The following NPNT variants were observed in gnomAD, a reference collection of about 807,000 sequenced individuals.
NPNT encodes the protein nephronectin, also known as preosteoblast EGF-like repeat protein with MAM domain.
A neutral mutation model predicts 68.6 loss-of-function variants in NPNT; 45 were observed. The ratio of observed to expected loss-of-function variants is 0.66; its 90% CI spans 0.52 to 0.84. The LOEUF (loss-of-function observed/expected upper bound fraction) is 0.84. Among genes scored for constraint, NPNT ranks in the 40% least tolerant of loss-of-function variants. NPNT has a pLI of 0.00. For missense variants in NPNT, 672 were observed against 714.8 expected (o/e 0.94, Z 0.68); for synonymous variants, 233 against 253.3 (o/e 0.92, Z 0.76).
At position 105,937,124 on chromosome 4, in the gene NPNT, C is replaced by T. The variant is rs776319688; in HGVS notation, c.381C>T (p.Cys127=). 7 of 1,613,096 alleles carry T rather than the reference C, an allele frequency of 4.3e-6. No individual in the cohort carries two copies. The East Asian group carries it at 1.3e-4, about 31-fold the overall frequency. Residue 127 remains cysteine (C), a synonymous_variant, in exon 4 of 12, where the codon TGC becomes TGT. Transcript: ENST00000379987. ...NGYMLMPDGS[C]SSALTCSMAN... ...ATATGCTCATGCCGGATGGTTCCTGCTCAAGTATGTCAAGAATCTTAACTG... is the reference window on the plus strand; with the variant it reads ...ATATGCTCATGCCGGATGGTTCCTGTTCAAGTATGTCAAGAATCTTAACTG...
At chr4:105,964,039 G>A (rs1731934671) in intron 10 of NPNT, among the ~76,000 whole-genome samples, 2 of 152,022 alleles carry the variant, frequency 1.3e-5, no homozygotes, top group Non-Finnish European at 2.9e-5. Flanking sequence ...AGAATACCTG[G>A]TCTGGAACCC....
At chr4:105,964,861 T>G (rs565681544) in intron 10 of NPNT, among the ~76,000 whole-genome samples, 5 of 152,370 alleles carry the variant, frequency 3.3e-5, no homozygotes, top group African/African-American at 9.6e-5. Flanking sequence ...AAATGGTTAT[T>G]GGCATACTTG....
At chr4:105,950,552 C>T (rs945810435) in intron 8 of NPNT, among the ~76,000 whole-genome samples, 2 of 152,068 alleles carry the variant, frequency 1.3e-5, no homozygotes, top group Non-Finnish European at 2.9e-5. Flanking sequence ...ATTATTGTGC[C>T]TCAGTCTCCT....
chr4:105,942,452 TC>T lies in NPNT; in HGVS notation c.911del (p.Pro304LeufsTer51). ...WWPPKTPYIP[P>X]IITNRPTSKP... ...GGCCTCCGAAGACACCATATATTCC[TC>T]CTATCATTACCAACAGGCCTACTTC... On this transcript the variant is annotated frameshift_variant, in exon 8 of 12. Coordinates refer to ENST00000379987, the MANE Select transcript of NPNT (RefSeq NM_001033047.3). LOFTEE classifies it high-confidence loss of function. 3.1e-6 allele frequency: 5 copies of T among 1,613,912 alleles called. No homozygotes were observed. Among genetic ancestry groups the T allele is most frequent in the Non-Finnish European group, 4.2e-6 (5 of 1,179,938 alleles).
chr4:105,896,681 CT>C (rs1432242763), intron 1 of NPNT, among the ~76,000 whole-genome samples: 3 of 152,172 alleles, frequency 2.0e-5, no homozygotes, highest in African/African-American at 7.2e-5. Flanking sequence ...CCTGTTTTAC[CT>C]TTAATCTTGG....
intron 10 of NPNT, among the ~76,000 whole-genome samples, chr4:105,961,578 A>G (rs1466191690): frequency 6.6e-6 from 1 of 152,178 alleles, no homozygotes; most frequent in Non-Finnish European, 1.5e-5. Context: ...TTTATTATTC[A>G]TTATATTTGT....
Position 105,899,468 on chromosome 4 carries a change from A to G in NPNT, c.172+1467A>G, listed in dbSNP as rs145111821. ...TTTGATCATCTTCCCTTAAAACAAT[A>G]TTGAATAGACTAACCAGTGAGTGTA... is the stretch of plus-strand genomic sequence containing the variant. On this transcript the variant is annotated intron_variant, in intron 2 of 11. Transcript: ENST00000379987. 3.2e-4 allele frequency among the ~76,000 whole-genome samples: 48 copies of G among 152,260 alleles called. 2 individuals are homozygous for G. The East Asian group carries it at 8.9e-3, about 28-fold the overall frequency.
At position 105,948,676 on chromosome 4, in the gene NPNT, TCA is replaced by T. The variant is rs1398649352; in HGVS notation, c.1159+5976_1159+5977del. ...AAAATAATTTTTTTGAGACAGAGTC[TCA>T]CTCTGTCACCCAGGCTGCTGCAGCT... On this transcript the variant is annotated intron_variant, in intron 8 of 11. Transcript: ENST00000379987. 8.5e-5 allele frequency among the ~76,000 whole-genome samples: 13 copies of T among 152,322 alleles called. No individual in the cohort carries two copies. In the South Asian group the frequency reaches 2.7e-3, roughly 32 times the overall value.
chr4:105,967,589 C>T, intron 11 of NPNT, 145 bp downstream of exon 11: 1 of 678,854 alleles, frequency 1.5e-6, no homozygotes, highest in Non-Finnish European at 2.3e-6. Context: ...TGACTCCATT[C>T]AGTGTCTCTT....
At chr4:105,938,464 A>T (rs1578643693) in intron 5 of NPNT, 44 bp downstream of exon 5, 1 of 1,596,054 alleles carries the variant, frequency 6.3e-7, no homozygotes, top group Admixed American at 1.8e-5. Context: ...CCTCTGTAGG[A>T]TAAAGGGAGA....
At chr4:105,912,339 T>C in intron 2 of NPNT, 1 of 798,848 alleles carries the variant, frequency 1.3e-6, no homozygotes, top group South Asian at 1.7e-5. Flanking sequence ...ACATTAGTTG[T>C]GTTTTTGAAT....
At chr4:105,932,189 T>G (rs180975143) in intron 3 of NPNT, among the ~76,000 whole-genome samples, 2 of 131,562 alleles carry the variant, frequency 1.5e-5, no homozygotes, top group East Asian at 4.7e-4. Context: ...CGTGATAGTG[T>G]AGGGAAAAAA....
chr4:105,970,146 G>T lies in NPNT; in HGVS notation c.*1156G>T, dbSNP rs1300947987. 2.1e-6 allele frequency: 1 copy of T among 472,336 alleles called. No individual in the cohort carries two copies. Among genetic ancestry groups the T allele is most frequent in the Non-Finnish European group, 3.8e-6 (1 of 260,956 alleles). 29.3% of individuals were successfully genotyped at this position (472,336 alleles called of 1,614,324 possible). ...TGTTGCTCATGTTGTGCTGTGTCAG[G>T]ATGGGATAGGAAGCAAGTCCCATGC... On this transcript the variant is annotated 3_prime_UTR_variant, in exon 12 of 12. Transcript: ENST00000379987.
At chr4:105,958,678 C>G (rs1335423530) in intron 9 of NPNT, 121 bp downstream of exon 9, 2 of 534,462 alleles carry the variant, frequency 3.7e-6, no homozygotes, top group Non-Finnish European at 6.6e-6. Context: ...TCTTTAACAA[C>G]TCAGATTTTC....
chr4:105,921,122 A>G (rs1375003724), intron 2 of NPNT, among the ~76,000 whole-genome samples: 1 of 152,174 alleles, frequency 6.6e-6, no homozygotes, highest in Non-Finnish European at 1.5e-5. Context: ...GCTCCTTTTA[A>G]GAAGTATTTA....
intron 2 of NPNT, chr4:105,912,351 G>T: frequency 1.4e-6 from 1 of 738,704 alleles, no homozygotes; most frequent in Non-Finnish European, 2.2e-6. Context: ...TTTTTGAATT[G>T]CTTCTTTTTA....
chr4:105,899,453 T>G (rs944774098), intron 2 of NPNT, among the ~76,000 whole-genome samples: 8 of 152,164 alleles, frequency 5.3e-5, no homozygotes, highest in African/African-American at 1.7e-4. Context: ...TTTGATCATC[T>G]TCCCTTAAAA....
intron 2 of NPNT, among the ~76,000 whole-genome samples, chr4:105,913,691 G>A (rs531555253): frequency 1.3e-5 from 2 of 152,124 alleles, no homozygotes; most frequent in Non-Finnish European, 2.9e-5. Context: ...AAATGGTTTT[G>A]TTTACCATAA....
At chr4:105,915,728 G>A (rs1021301369) in intron 2 of NPNT, among the ~76,000 whole-genome samples, 1 of 152,222 alleles carries the variant, frequency 6.6e-6, no homozygotes, top group Non-Finnish European at 1.5e-5. Flanking sequence ...GATATGTTCA[G>A]TTTGAAGCGC....
Sources: gnomAD v4.1 joint callset for allele counts (sites outside exome capture counted in the v4.1 genomes callset) on GRCh38, gnomAD v4.1.1 for gene constraint, MANE v1.5 for transcripts, NCBI Gene and HGNC (gene_info 2026-07-23, HGNC 2026-07-21) for gene names.